LRRC69: variants seen among roughly 807,000 people sequenced by gnomAD.
The protein encoded by LRRC69 is leucine rich repeat containing 69.
Under a neutral mutation model 37.8 loss-of-function variants are expected in LRRC69, and 42 were observed. The ratio of observed to expected loss-of-function variants is 1.11; its 90% CI spans 0.87 to 1.44. The LOEUF is 1.44. LRRC69 is among the 40% of genes most tolerant of loss of function. The probability of loss-of-function intolerance (pLI) is 0.00; values close to 1 mark genes in which losing one functional copy is unlikely to be tolerated. For missense variants in LRRC69, 357 were observed against 401.9 expected (o/e 0.89, Z 0.96); for synonymous variants, 141 against 143.1 (o/e 0.99, Z 0.11).
At chr8:91,207,340 T>G (rs1253147660) in intron 7 of LRRC69, among the ~76,000 whole-genome samples, 1 of 152,194 alleles carries the variant, frequency 6.6e-6, no homozygotes, top group Non-Finnish European at 1.5e-5. Context: ...GTACAGTGGG[T>G]GTTCAACAAA....
At chr8:91,214,419 C>A (rs1301901446) in intron 7 of LRRC69, among the ~76,000 whole-genome samples, 1 of 152,286 alleles carries the variant, frequency 6.6e-6, no homozygotes. Context: ...AACATGTGCA[C>A]TTTCCAACAA....
Position 91,145,394 on chromosome 8 carries a change from CTT to C in LRRC69, c.651+9658_651+9659del, listed in dbSNP as rs539907333. 5.1e-3 allele frequency among the ~76,000 whole-genome samples: 776 copies of C among 151,998 alleles called. 5 individuals are homozygous for C. The highest frequency in any genetic ancestry group is 0.017 in the African/African-American group (721 of 41,538). ...CCTCATCCCCATTGTTGTTCTGCCT[CTT>C]TTGATTAGCAGCATTAGAGATCCAC... On this transcript the variant is annotated intron_variant, in intron 5 of 7. Coordinates refer to ENST00000448384, the Ensembl canonical transcript of LRRC69.
At chr8:91,104,600 C>T (rs1813275397) in intron 1 of LRRC69, among the ~76,000 whole-genome samples, 1 of 151,936 alleles carries the variant, frequency 6.6e-6, no homozygotes, top group Non-Finnish European at 1.5e-5. Flanking sequence ...CCTTGAGAGA[C>T]TTCCCTCTAA....
At position 91,197,570 on chromosome 8, in the gene LRRC69, A is replaced by G. The variant is rs565476315; in HGVS notation, c.754-3043A>G. ...GTGCGCCGTTTTTTAAGCCCGTCGG[A>G]AAAGCGCAGTATTAGGGTGGGAGTG... On this transcript the variant is annotated intron_variant, in intron 6 of 7. Transcript: ENST00000448384. Among the ~76,000 whole-genome samples the G allele has an allele frequency of 4.7e-3, 710 of 152,162 alleles. 5 individuals are homozygous for G. The highest frequency in any genetic ancestry group is 0.016 in the African/African-American group (679 of 41,528).
intron 1 of LRRC69, among the ~76,000 whole-genome samples, chr8:91,120,051 C>T (rs1327741860): frequency 6.6e-6 from 1 of 151,882 alleles, no homozygotes; most frequent in South Asian, 2.1e-4. Context: ...GGAACTCCAG[C>T]TTCTTCTTCA....
At chr8:91,159,742 T>G (rs1808903190) in intron 5 of LRRC69, among the ~76,000 whole-genome samples, 1 of 151,136 alleles carries the variant, frequency 6.6e-6, no homozygotes, top group Non-Finnish European at 1.5e-5. Flanking sequence ...AAAATGAGGT[T>G]TGAAATTTTT....
At chr8:91,124,528 A>C (rs1813686201) in exon 2 of LRRC69, 6 of 1,542,050 alleles carry the variant, frequency 3.9e-6, no homozygotes, top group Non-Finnish European at 5.3e-6. Context: ...ACCTTTTAGA[A>C]GAAGTTCCGG....
At chr8:91,196,647 G>A (rs1809606902) in intron 6 of LRRC69, among the ~76,000 whole-genome samples, 1 of 152,032 alleles carries the variant, frequency 6.6e-6, no homozygotes, top group Non-Finnish European at 1.5e-5. Context: ...CAGCTCCTGA[G>A]GCTTCTGCAT....
intron 6 of LRRC69, among the ~76,000 whole-genome samples, chr8:91,200,222 A>G (rs1809689056): frequency 1.3e-5 from 2 of 152,158 alleles, no homozygotes; most frequent in African/African-American, 4.8e-5. Context: ...TAGGATTTAG[A>G]CCTTAGTGAA....
chr8:91,129,337 G>C (rs887061482), intron 3 of LRRC69, among the ~76,000 whole-genome samples: 1 of 151,986 alleles, frequency 6.6e-6, no homozygotes, highest in Non-Finnish European at 1.5e-5. Flanking sequence ...GAATCTACAA[G>C]TGTATCTCCT....
At chr8:91,180,035 A>T (rs570208507) in intron 5 of LRRC69, among the ~76,000 whole-genome samples, 7 of 152,316 alleles carry the variant, frequency 4.6e-5, no homozygotes, top group East Asian at 1.9e-4. Flanking sequence ...GGATTTATCC[A>T]TATATTTATT....
chr8:91,167,652 A>G (rs906756412), intron 5 of LRRC69, among the ~76,000 whole-genome samples: 4 of 151,976 alleles, frequency 2.6e-5, no homozygotes, highest in Admixed American at 2.0e-4. Context: ...CGTTTGTAGC[A>G]TCTGCTAATT....
Position 91,103,322 on chromosome 8 carries a change from G to GTTATCCTCTTATCATTTCTA in LRRC69, c.183+478_183+479insTTATCCTCTTATCATTTCTA, listed in dbSNP as rs1296956517. ...TAGGGCAGGCTGAAACTTTGAAATG[G>GTTATCCTCTTATCATTTCTA]AGTGTTGGCAGGGAATAGGAAGGAG... On this transcript the variant is annotated intron_variant, in intron 1 of 7. Coordinates refer to ENST00000448384, the Ensembl canonical transcript of LRRC69. 1.5e-3 allele frequency among the ~76,000 whole-genome samples: 220 copies of GTTATCCTCTTATCATTTCTA among 151,494 alleles called. 4 individuals are homozygous for GTTATCCTCTTATCATTTCTA. The highest frequency in any genetic ancestry group is 2.8e-3 in the Admixed American group (43 of 15,114).
chr8:91,127,659 C>T (rs1431149589), intron 3 of LRRC69, among the ~76,000 whole-genome samples: 1 of 142,792 alleles, frequency 7.0e-6, no homozygotes, highest in Non-Finnish European at 1.5e-5. Flanking sequence ...TGCATATCTG[C>T]ACAGGCAGAA....
At chr8:91,216,317 C>T (rs539481542) in intron 7 of LRRC69, among the ~76,000 whole-genome samples, 1 of 152,226 alleles carries the variant, frequency 6.6e-6, no homozygotes, top group South Asian at 2.1e-4. Context: ...CATGCGATGT[C>T]CTAATGACAC....
rs562686020 is a variant in LRRC69 at position 91,196,631 on chromosome 8, T to C, written c.754-3982T>C. Among the ~76,000 whole-genome samples the C allele has an allele frequency of 4.2e-3, 634 of 152,332 alleles. 2 individuals carry two copies. The highest frequency in any genetic ancestry group is 0.014 in the African/African-American group (597 of 41,574). ...CGCTGATACCCTTTCTTCCAGTTGA[T>C]CGCATCAGCTCCTGAGGCTTCTGCA... On this transcript the variant is annotated intron_variant, in intron 6 of 7. Transcript: ENST00000448384.
chr8:91,131,265 G>A (rs1431623172), intron 3 of LRRC69, among the ~76,000 whole-genome samples: 1 of 149,316 alleles, frequency 6.7e-6, no homozygotes, highest in East Asian at 1.9e-4. Flanking sequence ...TTTAAGATGG[G>A]GTCTCACTAT....
intron 5 of LRRC69, among the ~76,000 whole-genome samples, chr8:91,151,963 G>A (rs10093640): frequency 0.054 from 8,225 of 150,956 alleles, 297 homozygotes; most frequent in African/African-American, 0.093. Context: ...AAGTGTGTTC[G>A]TGTCCTTTGC....
At chr8:91,126,028 G>A (rs867763275) in intron 2 of LRRC69, among the ~76,000 whole-genome samples, 5 of 151,886 alleles carry the variant, frequency 3.3e-5, no homozygotes, top group Middle Eastern at 3.2e-3. Context: ...GAACATTCTT[G>A]ACTTGGGGTT....
Sources: allele counts gnomAD v4.1 joint callset (sites outside exome capture counted in the v4.1 genomes callset), GRCh38; gene constraint gnomAD v4.1.1; transcripts MANE v1.5; gene names NCBI Gene and HGNC (gene_info 2026-07-23, HGNC 2026-07-21).